Variants in CNTN4 observed in about 807,000 individuals in gnomAD.
CNTN4 encodes contactin 4, also known as contactin-4.
A neutral mutation model predicts 122.5 loss-of-function variants in CNTN4; 77 were observed. The observed-to-expected ratio is 0.63, with a 90% CI of 0.52 to 0.76. The LOEUF (loss-of-function observed/expected upper bound fraction) is 0.76. Among genes scored for constraint, CNTN4 ranks in the 30% least tolerant of loss-of-function variants. CNTN4 has a pLI of 0.00. For missense variants in CNTN4, 1,256 were observed against 1,259.1 expected (o/e 1.00, Z 0.04); for synonymous variants, 512 against 447.0 (o/e 1.15, Z -1.83).
At chr3:2,460,167 A>G (rs139045353) in intron 3 of CNTN4, among the ~76,000 whole-genome samples, 1 of 152,044 alleles carries the variant, frequency 6.6e-6, no homozygotes, top group East Asian at 1.9e-4. Flanking sequence ...AAGAACCTGG[A>G]TTTCTTATCC....
At chr3:2,971,368 CTATA>C (rs537763062) in intron 13 of CNTN4, among the ~76,000 whole-genome samples, 30 of 139,540 alleles carry the variant, frequency 2.1e-4, no homozygotes, top group African/African-American at 7.7e-4. Context: ...ATCTATCTAT[CTATA>C]TATATATATA....
At chr3:2,974,266 T>C (rs909344441) in intron 13 of CNTN4, among the ~76,000 whole-genome samples, 2 of 152,226 alleles carry the variant, frequency 1.3e-5, no homozygotes, top group Admixed American at 6.5e-5. Context: ...CCATGTATCA[T>C]AGCAACAAGT....
chr3:2,934,176 A>G (rs1406158348), intron 13 of CNTN4, among the ~76,000 whole-genome samples: 2 of 152,232 alleles, frequency 1.3e-5, no homozygotes, highest in Admixed American at 6.5e-5. Context: ...TGAAGACACA[A>G]TAAAATTGTA....
At chr3:2,721,406 C>T (rs2087843995) in intron 4 of CNTN4, among the ~76,000 whole-genome samples, 1 of 152,132 alleles carries the variant, frequency 6.6e-6, no homozygotes, top group Non-Finnish European at 1.5e-5. Flanking sequence ...AGTTAGGATG[C>T]AGAAATAATA....
intron 4 of CNTN4, among the ~76,000 whole-genome samples, chr3:2,718,581 A>G (rs2149380334): frequency 6.6e-6 from 1 of 152,330 alleles, no homozygotes; most frequent in South Asian, 2.1e-4. Context: ...CTTCTAACAC[A>G]ACCAGTAGTT....
chr3:2,853,215 T>C (rs1240201988), intron 7 of CNTN4, among the ~76,000 whole-genome samples: 1 of 152,010 alleles, frequency 6.6e-6, no homozygotes, highest in Non-Finnish European at 1.5e-5. Context: ...ACTAGGGAGT[T>C]TTTTATAAAA....
chr3:2,697,917 C>T (rs912663442), intron 4 of CNTN4, among the ~76,000 whole-genome samples: 2 of 152,164 alleles, frequency 1.3e-5, no homozygotes, highest in Admixed American at 1.3e-4. Context: ...TTGGATGAGG[C>T]CCACCCACAG....
chr3:2,509,650 C>T (rs1037651054), intron 3 of CNTN4, among the ~76,000 whole-genome samples: 12 of 152,246 alleles, frequency 7.9e-5, no homozygotes, highest in African/African-American at 2.9e-4. Context: ...GAATACTTTT[C>T]TAGCTATTGA....
intron 2 of CNTN4, among the ~76,000 whole-genome samples, chr3:2,109,219 A>T (rs17007744): frequency 0.21 from 31,383 of 151,952 alleles, 3,472 homozygotes; most frequent in East Asian, 0.44. Flanking sequence ...ATTGGTGCAT[A>T]ACCCCTAAGT....
chr3:2,880,464 T>A (rs966179836), intron 8 of CNTN4, among the ~76,000 whole-genome samples: 1 of 152,186 alleles, frequency 6.6e-6, no homozygotes, highest in African/African-American at 2.4e-5. Flanking sequence ...ACTACTGATA[T>A]TTATGGGATG....
chr3:2,909,964 G>A (rs2094281915), intron 12 of CNTN4, among the ~76,000 whole-genome samples: 2 of 152,268 alleles, frequency 1.3e-5, no homozygotes, highest in East Asian at 1.9e-4. Flanking sequence ...ATTGAACATA[G>A]TCTCCCTACC....
At chr3:2,551,295 G>T (rs1018106680) in intron 3 of CNTN4, among the ~76,000 whole-genome samples, 6 of 152,170 alleles carry the variant, frequency 3.9e-5, no homozygotes, top group African/African-American at 1.2e-4. Flanking sequence ...GAATAGAGAA[G>T]AATGTCAGCT....
At chr3:2,482,340 G>A (rs2076029027) in intron 3 of CNTN4, among the ~76,000 whole-genome samples, 1 of 151,970 alleles carries the variant, frequency 6.6e-6, no homozygotes, top group Non-Finnish European at 1.5e-5. Context: ...CTGATTTAGG[G>A]TACCTGACAG....
intron 3 of CNTN4, among the ~76,000 whole-genome samples, chr3:2,549,819 C>T (rs1292759029): frequency 6.6e-6 from 1 of 152,018 alleles, no homozygotes; most frequent in Non-Finnish European, 1.5e-5. Flanking sequence ...GCTGTGAATC[C>T]ATCTGGTCCT....
At chr3:2,631,348 T>TTAG (rs1215224284) in intron 4 of CNTN4, among the ~76,000 whole-genome samples, 3 of 152,210 alleles carry the variant, frequency 2.0e-5, no homozygotes, top group African/African-American at 7.2e-5. Context: ...CACAAATGAT[T>TTAG]TAGTAACCCC....
At chr3:2,314,466 G>T (rs2043023002) in intron 2 of CNTN4, among the ~76,000 whole-genome samples, 1 of 151,856 alleles carries the variant, frequency 6.6e-6, no homozygotes, top group African/African-American at 2.4e-5. Flanking sequence ...TGGCATTTCG[G>T]TGAAGCTGTA....
chr3:2,200,610 C>T (rs914047132), intron 2 of CNTN4, among the ~76,000 whole-genome samples: 5 of 152,178 alleles, frequency 3.3e-5, no homozygotes, highest in Admixed American at 2.0e-4. Context: ...CCTGAAATAG[C>T]ACCTTACAAG....
chr3:2,559,630 AT>A (rs1169920130), intron 3 of CNTN4, among the ~76,000 whole-genome samples: 3 of 152,170 alleles, frequency 2.0e-5, no homozygotes, highest in Non-Finnish European at 4.4e-5. Flanking sequence ...TGAGACCCAG[AT>A]TTGGGTGCAA....
At chr3:2,834,996 C>G (rs2093191402) in intron 7 of CNTN4, among the ~76,000 whole-genome samples, 1 of 148,998 alleles carries the variant, frequency 6.7e-6, no homozygotes, top group Non-Finnish European at 1.5e-5. Context: ...GCTCCGCCTC[C>G]CGGGTTCACA....
Sources: allele counts gnomAD v4.1 joint callset (sites outside exome capture counted in the v4.1 genomes callset), GRCh38; gene constraint gnomAD v4.1.1; transcripts MANE v1.5; gene names NCBI Gene and HGNC (gene_info 2026-07-23, HGNC 2026-07-21).